MEF2C: variants seen among roughly 807,000 people sequenced by gnomAD.
MEF2C encodes the protein myocyte enhancer factor 2C, also known as myocyte-specific enhancer factor 2C.
In MEF2C, 6 loss-of-function variants were observed where a neutral mutation model predicts 50.5. The observed-to-expected ratio is 0.12, with a 90% confidence interval of 0.07 to 0.23. The LOEUF (loss-of-function observed/expected upper bound fraction) is 0.23. MEF2C is among the 10% of genes least tolerant of loss of function. The pLI is 1.00. For synonymous variants in MEF2C, 183 were observed against 228.0 expected, an observed-to-expected ratio of 0.80 and a Z score of 1.78; for missense variants, 276 against 605.0, an observed-to-expected ratio of 0.46 and a Z score of 5.70.
intron 6 of MEF2C, chr5:88,734,832 A>G: frequency 7.2e-6 from 7 of 976,306 alleles, no homozygotes; most frequent in Middle Eastern, 5.3e-4. Context: ...GATTAGTCAC[A>G]TATTTTAAGG....
intron 3 of MEF2C, among the ~76,000 whole-genome samples, chr5:88,783,344 G>T (rs1221490323): frequency 1.3e-5 from 2 of 152,070 alleles, no homozygotes; most frequent in East Asian, 3.9e-4. Flanking sequence ...GAAACAGAGA[G>T]TTGGCCGGGT....
At position 88,799,887 on chromosome 5, in the gene MEF2C, C is replaced by T. The variant is rs1004070209; in HGVS notation, c.258+4711G>A. On this transcript the variant is annotated intron_variant, in intron 3 of 10. Coordinates refer to ENST00000504921, the MANE Select transcript of MEF2C (RefSeq NM_002397.5). ...TCTCTCTCTCACACACACACACACA[C>T]ACACACACACACACACACACACACA... 1.5e-4 allele frequency among the ~76,000 whole-genome samples: 14 copies of T among 91,140 alleles called. 2 individuals carry two copies. The highest frequency in any genetic ancestry group is 4.8e-4 in the Admixed American group (5 of 10,334). The allele number at this position is 91,140 out of a possible 152,430, so 59.8% of individuals were successfully genotyped here.
At chr5:88,753,936 A>G (rs1277820966) in intron 4 of MEF2C, among the ~76,000 whole-genome samples, 1 of 152,214 alleles carries the variant, frequency 6.6e-6, no homozygotes, top group Non-Finnish European at 1.5e-5. Context: ...TGAATAAAAT[A>G]TTGTATTTCT....
chr5:88,771,210 G>T (rs561866528), intron 3 of MEF2C, among the ~76,000 whole-genome samples: 3 of 152,242 alleles, frequency 2.0e-5, no homozygotes, highest in Non-Finnish European at 4.4e-5. Context: ...TTCAAGGTGA[G>T]ATTTGGGTCA....
At chr5:88,746,809 G>T in intron 6 of MEF2C, 1 of 416,318 alleles carries the variant, frequency 2.4e-6, no homozygotes, top group Non-Finnish European at 3.2e-6. Flanking sequence ...AGTGGCATCT[G>T]CAACAGGTGT....
At chr5:88,808,438 TTAA>T (rs1801433973) in intron 2 of MEF2C, among the ~76,000 whole-genome samples, 1 of 152,158 alleles carries the variant, frequency 6.6e-6, no homozygotes, top group Non-Finnish European at 1.5e-5. Context: ...AGAAATATCA[TTAA>T]TGTCACTATT....
At chr5:88,763,766 C>T (rs1334770816) in intron 3 of MEF2C, among the ~76,000 whole-genome samples, 2 of 151,826 alleles carry the variant, frequency 1.3e-5, no homozygotes, top group Non-Finnish European at 2.9e-5. Flanking sequence ...ACAATCCTTC[C>T]AACTCAGCCT....
chr5:88,780,171 G>GA (rs1415536361), intron 3 of MEF2C, among the ~76,000 whole-genome samples: 1 of 151,576 alleles, frequency 6.6e-6, no homozygotes, highest in Non-Finnish European at 1.5e-5. Flanking sequence ...AAAGAAAAAA[G>GA]AAAAAACGAA....
At chr5:88,834,424 T>C (rs1183627541) in intron 1 of MEF2C, among the ~76,000 whole-genome samples, 1 of 152,030 alleles carries the variant, frequency 6.6e-6, no homozygotes, top group Non-Finnish European at 1.5e-5. Context: ...CACAGAGACA[T>C]GAAGTTGTCA....
At chr5:88,897,893 G>C (rs1200078551) in intron 1 of MEF2C, among the ~76,000 whole-genome samples, 1 of 152,132 alleles carries the variant, frequency 6.6e-6, no homozygotes, top group East Asian at 1.9e-4. Context: ...AAGAACCAAA[G>C]TGCCTCAGAA....
intron 6 of MEF2C, chr5:88,742,065 AGGTTT>A (rs971510430): frequency 1.0e-6 from 1 of 985,292 alleles, no homozygotes; most frequent in Admixed American, 6.2e-5. Context: ...TGATTGGCAA[AGGTTT>A]GTCTAAAAAC....
chr5:88,771,355 C>G, intron 3 of MEF2C: 2 of 776,702 alleles, frequency 2.6e-6, no homozygotes, highest in Non-Finnish European at 3.1e-6. Flanking sequence ...CTTATTTACT[C>G]CTCCTCTCAG....
chr5:88,841,391 C>T (rs1817291522), intron 1 of MEF2C, among the ~76,000 whole-genome samples: 1 of 151,688 alleles, frequency 6.6e-6, no homozygotes, highest in South Asian at 2.1e-4. Context: ...CCTGGAGTAC[C>T]AGCTACTCAG....
chr5:88,876,645 C>T (rs1010292150), intron 1 of MEF2C, among the ~76,000 whole-genome samples: 4 of 151,952 alleles, frequency 2.6e-5, no homozygotes, highest in East Asian at 3.9e-4. Context: ...TAAGCCAAAG[C>T]TGCCTGTCTT....
intron 3 of MEF2C, among the ~76,000 whole-genome samples, chr5:88,782,742 C>T (rs1302774889): frequency 6.6e-6 from 1 of 152,184 alleles, no homozygotes; most frequent in East Asian, 1.9e-4. Context: ...TTTGGCACTT[C>T]CACTTTTCAC....
chr5:88,773,908 T>C (rs1053806130), intron 3 of MEF2C, among the ~76,000 whole-genome samples: 1 of 152,270 alleles, frequency 6.6e-6, no homozygotes, highest in African/African-American at 2.4e-5. Context: ...GTTTTCACTG[T>C]ATTGGTTCAT....
At chr5:88,829,344 G>A (rs977368399) in intron 1 of MEF2C, among the ~76,000 whole-genome samples, 6 of 151,874 alleles carry the variant, frequency 4.0e-5, no homozygotes, top group East Asian at 1.9e-4. Flanking sequence ...TGATGACATC[G>A]AATTTCCCTC....
intron 3 of MEF2C, among the ~76,000 whole-genome samples, chr5:88,787,020 T>C (rs1791269276): frequency 6.6e-6 from 1 of 152,202 alleles, no homozygotes; most frequent in South Asian, 2.1e-4. Flanking sequence ...TCCATCAATA[T>C]CTACTGAATG....
chr5:88,882,311 T>A (rs868076572), intron 1 of MEF2C, among the ~76,000 whole-genome samples: 1 of 152,202 alleles, frequency 6.6e-6, no homozygotes, highest in South Asian at 2.1e-4. Flanking sequence ...CAGCAATCCA[T>A]ATGCTGAAAT....
Sources: gnomAD v4.1 joint callset for allele counts (sites outside exome capture counted in the v4.1 genomes callset) on GRCh38, gnomAD v4.1.1 for gene constraint, MANE v1.5 for transcripts, NCBI Gene and HGNC (gene_info 2026-07-23, HGNC 2026-07-21) for gene names.